The following SGCD variants were observed in gnomAD, a reference collection of about 807,000 sequenced individuals.
The protein encoded by SGCD is sarcoglycan delta.
Under a neutral mutation model 36.6 loss-of-function variants are expected in SGCD, and 18 were observed. The ratio of observed to expected loss-of-function variants is 0.49; its 90% CI spans 0.34 to 0.73. The LOEUF (loss-of-function observed/expected upper bound fraction) is 0.73. SGCD is among the 30% of genes least tolerant of loss of function. The pLI, the probability that SGCD is intolerant of heterozygous loss-of-function variation, is 0.01. For synonymous variants in SGCD, 133 were observed against 130.6 expected (o/e 1.02, Z -0.12); for missense variants, 387 against 346.7 (o/e 1.12, Z -0.92).
At chr5:156,338,131 T>C (rs893095757) in intron 2 of SGCD, among the ~76,000 whole-genome samples, 2 of 150,932 alleles carry the variant, frequency 1.3e-5, no homozygotes, top group African/African-American at 4.9e-5. Flanking sequence ...GGAAACTTGA[T>C]GGCATTGATG....
intron 4 of SGCD, among the ~76,000 whole-genome samples, chr5:156,575,175 T>C (rs1561788594): frequency 6.6e-6 from 1 of 152,184 alleles, no homozygotes; most frequent in Middle Eastern, 3.2e-3. Flanking sequence ...TAACCTTCCA[T>C]GTGAAAAGCG....
chr5:156,397,587 G>C (rs1265237302), intron 3 of SGCD, among the ~76,000 whole-genome samples: 1 of 152,154 alleles, frequency 6.6e-6, no homozygotes, highest in African/African-American at 2.4e-5. Flanking sequence ...TGGGCAGTTG[G>C]ACGTTCACTG....
chr5:156,569,086 T>A (rs1759614610), intron 4 of SGCD, among the ~76,000 whole-genome samples: 1 of 139,664 alleles, frequency 7.2e-6, no homozygotes. Context: ...AGCAGGACCA[T>A]CCTCCCCTCT....
At chr5:156,614,319 G>C (rs1761945696) in intron 6 of SGCD, among the ~76,000 whole-genome samples, 1 of 152,208 alleles carries the variant, frequency 6.6e-6, no homozygotes, top group South Asian at 2.1e-4. Context: ...AAGTTCCACA[G>C]AGAGCACATG....
At chr5:156,274,967 T>C (rs1316875505) in intron 3 of SGCD, among the ~76,000 whole-genome samples, 2 of 152,188 alleles carry the variant, frequency 1.3e-5, no homozygotes, top group East Asian at 3.8e-4. Context: ...GAGTGCTATT[T>C]AGGCTGAGTA....
intron 3 of SGCD, among the ~76,000 whole-genome samples, chr5:156,355,856 T>C (rs1227055894): frequency 4.6e-5 from 7 of 152,184 alleles, no homozygotes; most frequent in Non-Finnish European, 1.0e-4. Context: ...AGGCTGGTCT[T>C]GAATTCCTGA....
intron 3 of SGCD, 68 bp downstream of exon 3, chr5:156,344,745 G>A: frequency 8.1e-7 from 1 of 1,235,324 alleles, no homozygotes; most frequent in Non-Finnish European, 1.1e-6. Flanking sequence ...AGATGATGAA[G>A]GAATGTGGAA....
chr5:156,177,516 G>C (rs1763502836), intron 3 of SGCD, among the ~76,000 whole-genome samples: 1 of 152,050 alleles, frequency 6.6e-6, no homozygotes, highest in South Asian at 2.1e-4. Flanking sequence ...TGATTATACA[G>C]TTCTCCTGAG....
intron 3 of SGCD, among the ~76,000 whole-genome samples, chr5:156,396,691 G>A (rs1433593399): frequency 6.6e-6 from 1 of 152,118 alleles, no homozygotes; most frequent in Non-Finnish European, 1.5e-5. Context: ...ATGTGTGGGA[G>A]ACAGAAAAAA....
intron 2 of SGCD, chr5:156,123,739 A>T (rs1362330451): frequency 6.6e-6 from 1 of 152,212 alleles, no homozygotes; most frequent in Non-Finnish European, 1.5e-5. Flanking sequence ...TATGACAAAC[A>T]GAATCTAAAG....
At chr5:156,489,201 A>C (rs1177566613) in intron 3 of SGCD, among the ~76,000 whole-genome samples, 16 of 152,168 alleles carry the variant, frequency 1.1e-4, no homozygotes. Flanking sequence ...ACAAGCACCC[A>C]AAACCAGAGT....
intron 7 of SGCD, among the ~76,000 whole-genome samples, chr5:156,745,036 T>C (rs1229285583): frequency 1.3e-5 from 2 of 152,186 alleles, no homozygotes; most frequent in Non-Finnish European, 2.9e-5. Context: ...TTATAGATTT[T>C]GCTAACCTAG....
intron 3 of SGCD, among the ~76,000 whole-genome samples, chr5:156,147,527 C>T (rs1762733640): frequency 6.6e-6 from 1 of 152,156 alleles, no homozygotes; most frequent in Non-Finnish European, 1.5e-5. Context: ...CTTGCTGCAT[C>T]ACTCCCCGAC....
intron 1 of SGCD, among the ~76,000 whole-genome samples, chr5:156,099,659 C>T (rs1280065960): frequency 3.9e-5 from 6 of 152,180 alleles, no homozygotes; most frequent in South Asian, 4.1e-4. Context: ...AAATGATCCA[C>T]CTGCCCTGGC....
chr5:156,379,239 G>GA (rs990934973), intron 3 of SGCD, among the ~76,000 whole-genome samples: 5 of 152,164 alleles, frequency 3.3e-5, no homozygotes, highest in Non-Finnish European at 7.4e-5. Flanking sequence ...TGCTAAGGAG[G>GA]AAAAATAAGT....
intron 1 of SGCD, among the ~76,000 whole-genome samples, chr5:156,055,383 T>C (rs1760033923): frequency 6.8e-6 from 1 of 146,094 alleles, no homozygotes; most frequent in South Asian, 2.2e-4. Context: ...TAGAAACATG[T>C]TTATTAAAGT....
the SGCD span, among the ~76,000 whole-genome samples, chr5:155,794,383 G>T: frequency 6.6e-6 from 1 of 152,046 alleles, no homozygotes; most frequent in Non-Finnish European, 1.5e-5. Context: ...CAAGAAAATG[G>T]CATCATATGA....
At chr5:155,857,304 A>G in the SGCD span, among the ~76,000 whole-genome samples, 30 of 152,350 alleles carry the variant, frequency 2.0e-4, 1 homozygote, top group South Asian at 4.8e-3. Flanking sequence ...ACTCCTGTTT[A>G]CCAAAAGGAG....
At chr5:156,197,236 A>G (rs911238066) in intron 3 of SGCD, among the ~76,000 whole-genome samples, 1 of 152,154 alleles carries the variant, frequency 6.6e-6, no homozygotes, top group Non-Finnish European at 1.5e-5. Flanking sequence ...CTTTTGATGT[A>G]CACTGCTATA....
Sources: allele counts gnomAD v4.1 joint callset (sites outside exome capture counted in the v4.1 genomes callset), GRCh38; gene constraint gnomAD v4.1.1; transcripts MANE v1.5; gene names NCBI Gene and HGNC (gene_info 2026-07-23, HGNC 2026-07-21).